The following TRIM58 variants were observed in gnomAD, a reference collection of about 807,000 sequenced individuals.
TRIM58 encodes the protein tripartite motif containing 58.
TRIM58 carries 38 observed loss-of-function variants against 34.1 expected under a neutral mutation model. The observed-to-expected ratio is 1.12, with a 90% CI of 0.86 to 1.46. The LOEUF is 1.46. TRIM58 is among the 40% of genes most tolerant of loss of function. The pLI is 0.00. For missense variants in TRIM58, 677 were observed against 642.0 expected (o/e 1.05, Z -0.59); for synonymous variants, 273 against 275.7 (o/e 0.99, Z 0.10).
rs1277656186 is a variant in TRIM58, at chr1:247,857,190, G to A, written c.-57G>A. Reference sequence around the variant, plus strand: ...GGGCGTGGGCTCCTCCCCCTGTGCAGACCGCGAGGGGAGACGGTGCGGGCG... The same window carrying A: ...GGGCGTGGGCTCCTCCCCCTGTGCAAACCGCGAGGGGAGACGGTGCGGGCG... On this transcript the variant is annotated 5_prime_UTR_variant, in exon 1 of 6. Coordinates refer to ENST00000366481, the MANE Select transcript of TRIM58 (RefSeq NM_015431.4). The A allele has an allele frequency of 2.3e-6, 3 of 1,298,440 alleles. No homozygotes were observed. In the East Asian group the frequency reaches 9.4e-5, roughly 41 times the overall value. The allele number at this position is 1,298,440 out of a possible 1,614,324, so 80.4% of individuals were successfully genotyped here. A position where few individuals can be genotyped will look rare whatever the true frequency, so the allele number is the denominator to read the frequency against.
chr1:247,876,740 C>T lies in TRIM58; in HGVS notation c.*251C>T, dbSNP rs1320508910. 18 of 482,438 alleles carry T rather than the reference C, an allele frequency of 3.7e-5. No homozygotes were observed. The highest frequency in any genetic ancestry group is 6.6e-5 in the Non-Finnish European group (18 of 273,622). The allele number at this position is 482,438 out of a possible 1,614,324, so 29.9% of individuals were successfully genotyped here. A position where few individuals can be genotyped will look rare whatever the true frequency, so the allele number is the denominator to read the frequency against. ...TAGATCACATTTTCTTGATGTCTTC[C>T]TTCAAATTAATGACCTTGGATTACA... On this transcript the variant is annotated 3_prime_UTR_variant, in exon 6 of 6. Coordinates refer to ENST00000366481, the MANE Select transcript of TRIM58 (RefSeq NM_015431.4).
Position 247,876,536 on chromosome 1 carries a change from G to A in TRIM58, c.*47G>A. ...TCCTAGCGTAGCGAACGTTCCTGGA[G>A]TGGGGTGAAGGATATCAATATACTA... On this transcript the variant is annotated 3_prime_UTR_variant, in exon 6 of 6. Coordinates refer to ENST00000366481, the MANE Select transcript of TRIM58 (RefSeq NM_015431.4). 6.9e-7 allele frequency: 1 copy of A among 1,457,290 alleles called. No homozygotes were observed. Among genetic ancestry groups the A allele is most frequent in the South Asian group, 1.2e-5 (1 of 80,564 alleles). The allele number at this position is 1,457,290 out of a possible 1,614,324, so 90.3% of individuals were successfully genotyped here.
rs751839503 is a variant in TRIM58, at chr1:247,864,670, A to C, written c.517-35A>C. 1.7e-5 allele frequency: 27 copies of C among 1,606,936 alleles called. No homozygotes were observed. In the East Asian group the frequency reaches 5.8e-4, roughly 35 times the overall value. ...GTCCTGTACATGGCTGCTGGAGGCC[A>C]AGCACTGACGATGTGATCCACGGTG... is the stretch of plus-strand genomic sequence containing the variant. On this transcript the variant is annotated intron_variant, in intron 2 of 5. Transcript: ENST00000366481.
At chr1:247,860,594 A>T in intron 1 of TRIM58, 23 bp from the exon 2 acceptor site, 1 of 1,560,518 alleles carries the variant, frequency 6.4e-7, no homozygotes, top group Non-Finnish European at 8.8e-7. Context: ...GGCATCTGTA[A>T]CAGCTGAAAT....
chr1:247,864,729 C>A lies in TRIM58; in HGVS notation c.541C>A (p.Arg181Ser), dbSNP rs368652011. ...GGAGAAAGTGGAAATGCAGAGGCAG[C>A]GCTTCAGATTGGAGTTTGAGAAGCA... Reference protein sequence around the residue: ...WKEKVEMQRQRFRLEFEKHRG... With the variant: ...WKEKVEMQRQSFRLEFEKHRG... The change falls in exon 3 of 6, where the codon CGC becomes AGC. Residue 181 changes from arginine (R) to serine (S), a missense_variant. Arg to Ser is a moderately radical substitution (Grantham distance 110). Transcript: ENST00000366481. 4 of 1,614,150 alleles carry A rather than the reference C, an allele frequency of 2.5e-6. No homozygotes were observed. In the African/African-American group the frequency reaches 5.3e-5, roughly 22 times the overall value.
chr1:247,863,786 T>C (rs1316861875), intron 2 of TRIM58, among the ~76,000 whole-genome samples: 1 of 152,228 alleles, frequency 6.6e-6, no homozygotes, highest in African/African-American at 2.4e-5. Context: ...GGACGAAGTA[T>C]GTTCCTTAGG....
At chr1:247,866,267 C>T (rs755633196) in intron 3 of TRIM58, among the ~76,000 whole-genome samples, 4 of 152,006 alleles carry the variant, frequency 2.6e-5, no homozygotes, top group Non-Finnish European at 5.9e-5. Context: ...ACCTCTGTCT[C>T]CTTGGCTCAA....
Position 247,857,428 on chromosome 1 carries a change from G to A in TRIM58, c.182G>A (p.Arg61Gln), listed in dbSNP as rs776774353. Residue 61 changes from arginine (R) to glutamine (Q), a missense_variant, in exon 1 of 6, where the codon CGG (arginine) becomes CAG (glutamine). Physicochemically the swap from Arg to Gln is conservative, Grantham distance 43. Transcript: ENST00000366481. The part of the protein sequence containing the change: ...QGGVYACPQC[R>Q]GPFRPSGFRP... The stretch of plus-strand genomic sequence containing the variant: ...GGCGTCTACGCCTGTCCGCAGTGCC[G>A]GGGCCCCTTCCGGCCCTCGGGCTTT... The A allele has an allele frequency of 1.0e-5, 15 of 1,468,162 alleles. No homozygotes were observed. In the East Asian group the frequency reaches 3.4e-4, roughly 33 times the overall value. The allele number at this position is 1,468,162 out of a possible 1,614,324, so 90.9% of individuals were successfully genotyped here.
rs143279110 is a variant in TRIM58 at position 247,878,802 on chromosome 1, GTC to G, written c.*2317_*2318del. On this transcript the variant is annotated 3_prime_UTR_variant, in exon 6 of 6. Transcript: ENST00000366481. ...TGTAGCCCAGTACTCTGGTCTCACT[GTC>G]TCTGCTGAATCCTGTCTCACTGTGC... Among the ~76,000 whole-genome samples, 114 of 152,330 alleles carry G rather than the reference GTC, an allele frequency of 7.5e-4. No individual in the cohort carries two copies. Among genetic ancestry groups the G allele is most frequent in the Non-Finnish European group, 1.3e-3 (87 of 68,034 alleles).
rs1011086488 is a variant in TRIM58 at position 247,857,276 on chromosome 1, G to C, written c.30G>C (p.Leu10=). 7.3e-7 allele frequency: 1 copy of C among 1,360,820 alleles called. No homozygotes were observed. The highest frequency in any genetic ancestry group is 9.5e-7 in the Non-Finnish European group (1 of 1,048,944). 84.3% of individuals were successfully genotyped at this position (1,360,820 alleles called of 1,614,324 possible). A position where few individuals can be genotyped will look rare whatever the true frequency, so the allele number is the denominator to read the frequency against. ...CCTGGGCGCCGCCCGGGGAGCGGCT[G>C]CGCGAGGATGCGCGGTGCCCGGTGT... is the stretch of plus-strand genomic sequence containing the variant. MAWAPPGER[L]REDARCPVCL... is the part of the protein sequence containing the mutation. The change falls in exon 1 of 6, where the codon CTG becomes CTC. Residue 10 remains leucine (L), a synonymous_variant. Transcript: ENST00000366481.
At chr1:247,875,332 T>C (rs1188517341) in intron 5 of TRIM58, among the ~76,000 whole-genome samples, 1 of 152,126 alleles carries the variant, frequency 6.6e-6, no homozygotes, top group Non-Finnish European at 1.5e-5. Context: ...ATAAATTTTA[T>C]GTTAAATGCA....
In TRIM58 at chr1:247,879,558, G is replaced by A. The variant is rs533709326; in HGVS notation, c.*3069G>A. Among the ~76,000 whole-genome samples the A allele has an allele frequency of 6.6e-5, 10 of 151,914 alleles. No homozygotes were observed. The highest frequency in any genetic ancestry group is 1.2e-4 in the Non-Finnish European group (8 of 67,974). On this transcript the variant is annotated 3_prime_UTR_variant, in exon 6 of 6. Coordinates refer to ENST00000366481, the MANE Select transcript of TRIM58 (RefSeq NM_015431.4). ...GAGTGAAAGTCAGAATCCTCACAGTGAATCCCCAGGCCCTAGAGGATGTGA... is the reference window on the plus strand; with the variant it reads ...GAGTGAAAGTCAGAATCCTCACAGTAAATCCCCAGGCCCTAGAGGATGTGA...
chr1:247,861,111 G>A (rs1325972144), intron 2 of TRIM58, among the ~76,000 whole-genome samples: 1 of 152,160 alleles, frequency 6.6e-6, no homozygotes, highest in Non-Finnish European at 1.5e-5. Flanking sequence ...CTTATATACA[G>A]GGTAATAATC....
At chr1:247,865,405 G>A (rs1222697022) in intron 3 of TRIM58, among the ~76,000 whole-genome samples, 2 of 152,228 alleles carry the variant, frequency 1.3e-5, no homozygotes, top group African/African-American at 2.4e-5. Flanking sequence ...CTCAGAGTCA[G>A]TTTGTCCATG....
intron 1 of TRIM58, 82 bp from the exon 2 acceptor site, chr1:247,860,535 G>T: frequency 2.1e-6 from 2 of 943,150 alleles, no homozygotes; most frequent in South Asian, 1.5e-5. Flanking sequence ...TGTTTAAGTT[G>T]ACTTTTGTAT....
Position 247,860,721 on chromosome 1 carries a change from A to T in TRIM58, c.516+9A>T. 1 of 1,606,020 alleles carries T rather than the reference A, an allele frequency of 6.2e-7. No homozygotes were observed. The highest frequency in any genetic ancestry group is 8.5e-7 in the Non-Finnish European group (1 of 1,172,918). Reference sequence around the variant, plus strand: ...AGACTGTCATTTGGAAGGTAAGACCATGTTGGGGCTTTAGGAGGCTTGCCT... The same window carrying T: ...AGACTGTCATTTGGAAGGTAAGACCTTGTTGGGGCTTTAGGAGGCTTGCCT... On this transcript the variant is annotated intron_variant, in intron 2 of 5. Coordinates refer to ENST00000366481, the MANE Select transcript of TRIM58 (RefSeq NM_015431.4).
At chr1:247,858,612 C>T (rs1251564183) in intron 1 of TRIM58, among the ~76,000 whole-genome samples, 10 of 151,816 alleles carry the variant, frequency 6.6e-5, no homozygotes, top group African/African-American at 2.4e-4. Context: ...CCTTCTCTAC[C>T]AATATCTCTC....
At position 247,857,408 on chromosome 1, in the gene TRIM58, C is replaced by G; in HGVS notation, c.162C>G (p.Val54=). Residue 54 remains valine, a synonymous_variant, in exon 1 of 6, where the codon GTC becomes GTG. Coordinates refer to ENST00000366481, the MANE Select transcript of TRIM58 (RefSeq NM_015431.4). ...AGTCGGACGGCGCGCAGGGCGGCGT[C>G]TACGCCTGTCCGCAGTGCCGGGGCC... ...CEKSDGAQGG[V]YACPQCRGPF... 1.3e-6 allele frequency: 2 copies of G among 1,510,462 alleles called. No homozygotes were observed. The highest frequency in any genetic ancestry group is 2.6e-5 in the South Asian group (2 of 77,608). The allele number at this position is 1,510,462 out of a possible 1,614,324, so 93.6% of individuals were successfully genotyped here.
chr1:247,867,108 A>G (rs914545988), intron 3 of TRIM58, among the ~76,000 whole-genome samples: 11 of 152,156 alleles, frequency 7.2e-5, no homozygotes, highest in Non-Finnish European at 1.2e-4. Context: ...TTATTAATCT[A>G]TTTAGATAAC....
Sources: gnomAD v4.1 joint callset for allele counts (sites outside exome capture counted in the v4.1 genomes callset) on GRCh38, gnomAD v4.1.1 for gene constraint, MANE v1.5 for transcripts, NCBI Gene and HGNC (gene_info 2026-07-23, HGNC 2026-07-21) for gene names.